Variants in PCLO observed in about 807,000 individuals in gnomAD.
The protein encoded by PCLO is protein piccolo.
Under a neutral mutation model 427.5 loss-of-function variants are expected in PCLO, and 82 were observed. The observed-to-expected ratio is 0.19, with a 90% CI of 0.16 to 0.23. The LOEUF is 0.23. PCLO is among the 10% of genes least tolerant of loss of function. PCLO has a pLI of 1.00. For synonymous variants in PCLO, 2,357 were observed against 2,155.4 expected, an observed-to-expected ratio of 1.09 and a Z score of -2.59; for missense variants, 6,239 against 6,115.9, an observed-to-expected ratio of 1.02 and a Z score of -0.67.
chr7:82,918,861 C>T (rs1055399165), intron 6 of PCLO, among the ~76,000 whole-genome samples: 2 of 151,774 alleles, frequency 1.3e-5, no homozygotes, highest in African/African-American at 4.8e-5. Context: ...AAAATATGAC[C>T]AATATTTTAT....
rs906730132 is a variant in PCLO at position 82,787,772 on chromosome 7, C to G, written c.15007+13746G>C. 1.2e-3 allele frequency among the ~76,000 whole-genome samples: 185 copies of G among 151,994 alleles called. 5 individuals are homozygous for G. The highest frequency in any genetic ancestry group is 3.4e-4 in the Non-Finnish European group (23 of 67,996). On this transcript the variant is annotated intron_variant, in intron 22 of 24. Transcript: ENST00000333891. The stretch of plus-strand genomic sequence containing the variant: ...TCACGGCTGACTATTTAAAAAAACC[C>G]TGTAAATTGGCTGAGGAATAACACA...
At chr7:82,781,496 T>C (rs952497437) in intron 22 of PCLO, among the ~76,000 whole-genome samples, 6 of 144,962 alleles carry the variant, frequency 4.1e-5, no homozygotes, top group Non-Finnish European at 9.1e-5. Context: ...CCCCTCTCTG[T>C]GTCCATGTGT....
chr7:82,930,712 A>G (rs974397891), intron 6 of PCLO, among the ~76,000 whole-genome samples: 1 of 152,114 alleles, frequency 6.6e-6, no homozygotes, highest in Non-Finnish European at 1.5e-5. Flanking sequence ...ACACACCCAG[A>G]TACCTTTTTC....
At chr7:83,093,339 TA>T in intron 3 of PCLO, among the ~76,000 whole-genome samples, 1 of 146,798 alleles carries the variant, frequency 6.8e-6, no homozygotes, top group African/African-American at 2.7e-5. Context: ...TAAAATTATA[TA>T]AAGTATTCTA....
chr7:83,001,880 G>C (rs1787833020), intron 3 of PCLO, among the ~76,000 whole-genome samples: 1 of 151,974 alleles, frequency 6.6e-6, no homozygotes. Flanking sequence ...ATTCACAAAA[G>C]TATGTCACAG....
intron 4 of PCLO, among the ~76,000 whole-genome samples, chr7:82,965,128 A>G (rs1180468255): frequency 1.3e-5 from 2 of 152,072 alleles, no homozygotes; most frequent in Admixed American, 6.6e-5. Flanking sequence ...AAAGAAAAGA[A>G]TATTTTTCCA....
Position 82,919,157 on chromosome 7 carries a change from C to T in PCLO, c.11113-2284G>A, listed in dbSNP as rs558783983. 1.3e-4 allele frequency among the ~76,000 whole-genome samples: 20 copies of T among 151,928 alleles called. No individual in the cohort carries two copies. In the South Asian group the frequency reaches 2.1e-3, roughly 16 times the overall value. ...TATGCTCTTATGTATTGATGGGTGC[C>T]GCAAACCACCATGGCACGTGTATAC... On this transcript the variant is annotated intron_variant, in intron 6 of 24. Transcript: ENST00000333891.
chr7:83,146,829 T>C (rs1744359346), intron 2 of PCLO, among the ~76,000 whole-genome samples: 1 of 152,048 alleles, frequency 6.6e-6, no homozygotes, highest in Non-Finnish European at 1.5e-5. Flanking sequence ...CTCGAACTCC[T>C]GACCTCAGAT....
intron 6 of PCLO, among the ~76,000 whole-genome samples, chr7:82,938,622 A>G (rs976091228): frequency 6.6e-6 from 1 of 151,984 alleles, no homozygotes; most frequent in Non-Finnish European, 1.5e-5. Context: ...AAATTCAAAA[A>G]CATTTACTTA....
intron 3 of PCLO, among the ~76,000 whole-genome samples, chr7:82,970,898 T>C (rs769000595): frequency 6.6e-6 from 1 of 151,876 alleles, no homozygotes; most frequent in Non-Finnish European, 1.5e-5. Context: ...TCATCATCAT[T>C]ATCATATCAT....
chr7:82,882,150 C>A (rs1793523646), intron 9 of PCLO, among the ~76,000 whole-genome samples: 1 of 152,054 alleles, frequency 6.6e-6, no homozygotes, highest in Admixed American at 6.6e-5. Flanking sequence ...TTTGATTTCA[C>A]ATTTCTATAG....
rs931611911 is a variant in PCLO, at chr7:83,083,062, T to A, written c.3300+51188A>T. 1.1e-4 allele frequency among the ~76,000 whole-genome samples: 16 copies of A among 151,708 alleles called. 1 individual carries two copies. Among genetic ancestry groups the A allele is most frequent in the Admixed American group, 5.3e-4 (8 of 15,218 alleles). On this transcript the variant is annotated intron_variant, in intron 3 of 24. Coordinates refer to ENST00000333891, the MANE Select transcript of PCLO (RefSeq NM_033026.6). The stretch of plus-strand genomic sequence containing the variant: ...GAACACTGATACAATCAACTATTTT[T>A]TTAAAAAATTACTTTAGCACTTTAT...
chr7:82,892,263 A>T (rs1259062834), intron 9 of PCLO, among the ~76,000 whole-genome samples: 1 of 152,146 alleles, frequency 6.6e-6, no homozygotes, highest in Non-Finnish European at 1.5e-5. Flanking sequence ...AGCCCTCAGA[A>T]ATAATGCCAC....
At chr7:82,967,723 G>A (rs1392309335) in intron 3 of PCLO, among the ~76,000 whole-genome samples, 1 of 152,172 alleles carries the variant, frequency 6.6e-6, no homozygotes, top group Non-Finnish European at 1.5e-5. Context: ...GACAAATTAT[G>A]TTAGAATAAT....
intron 12 of PCLO, 26 bp from the exon 13 acceptor site, chr7:82,845,511 A>C (rs759807596): frequency 4.1e-6 from 6 of 1,474,162 alleles, no homozygotes; most frequent in East Asian, 2.3e-5. Context: ...AGAGATTTAC[A>C]TACTTCTCCA....
chr7:82,911,523 G>A (rs147530916), intron 7 of PCLO, among the ~76,000 whole-genome samples: 84 of 151,800 alleles, frequency 5.5e-4, no homozygotes, highest in African/African-American at 1.6e-3. Flanking sequence ...AGTACTGTCC[G>A]CAGGCTACAG....
At position 83,038,031 on chromosome 7, in the gene PCLO, TTATATATTTATATA is replaced by T. The variant is rs1268767165; in HGVS notation, c.3301-71558_3301-71545del. On this transcript the variant is annotated intron_variant, in intron 3 of 24. Transcript: ENST00000333891. Reference sequence around the variant, plus strand: ...TATATATATATATATATATATATATTTATATATTTATATATATATCTTTATATATATATTTATAT... The same window carrying T: ...TATATATATATATATATATATATATTTATATCTTTATATATATATTTATAT... Among the ~76,000 whole-genome samples, 69 of 17,262 alleles carry T rather than the reference TTATATATTTATATA, an allele frequency of 4.0e-3. 9 individuals are homozygous for T. Among genetic ancestry groups the T allele is most frequent in the African/African-American group, 0.022 (68 of 3,134 alleles). The allele number at this position is 17,262 out of a possible 152,430, so 11.3% of individuals were successfully genotyped here.
At chr7:82,775,068 A>G (rs1008501224) in intron 22 of PCLO, among the ~76,000 whole-genome samples, 6 of 152,140 alleles carry the variant, frequency 3.9e-5, no homozygotes, top group Admixed American at 3.3e-4. Context: ...TTTATAGCTC[A>G]TTCTTTTCAG....
At chr7:82,850,793 A>G (rs1011606928) in intron 10 of PCLO, among the ~76,000 whole-genome samples, 6 of 152,156 alleles carry the variant, frequency 3.9e-5, no homozygotes, top group Admixed American at 3.9e-4. Context: ...CTAACATTTT[A>G]TGGTGTTATA....
Sources: allele counts gnomAD v4.1 joint callset (sites outside exome capture counted in the v4.1 genomes callset), GRCh38; gene constraint gnomAD v4.1.1; transcripts MANE v1.5; gene names NCBI Gene and HGNC (gene_info 2026-07-23, HGNC 2026-07-21).